The following CACHD1 variants were observed in gnomAD, a reference collection of about 807,000 sequenced individuals.
The protein encoded by CACHD1 is VWFA and cache domain-containing protein 1.
CACHD1 carries 71 observed loss-of-function variants against 138.7 expected under a neutral mutation model. That is an observed-to-expected ratio of 0.51 (90% CI 0.42 to 0.62). CACHD1 has a LOEUF of 0.62. CACHD1 is among the 20% of genes least tolerant of loss of function. CACHD1 has a pLI of 0.00. For missense variants in CACHD1, 1,389 were observed against 1,625.3 expected (o/e 0.85, Z 2.50); for synonymous variants, 578 against 591.5 (o/e 0.98, Z 0.33).
Position 64,671,915 on chromosome 1 carries a change from T to C in CACHD1, c.2510+229T>C, listed in dbSNP as rs76836286. On this transcript the variant is annotated intron_variant, in intron 17 of 26. Transcript: ENST00000651257. ...CAGCACACAACAAGAAAAATAACTG[T>C]AGCATGGAATGCACCAAAAGCTCTT... Among the ~76,000 whole-genome samples, 890 of 152,324 alleles carry C rather than the reference T, an allele frequency of 5.8e-3. 7 individuals are homozygous for C. The highest frequency in any genetic ancestry group is 0.021 in the African/African-American group (861 of 41,568).
At chr1:64,656,076 A>G (rs941968330) in intron 12 of CACHD1, among the ~76,000 whole-genome samples, 20 of 152,242 alleles carry the variant, frequency 1.3e-4, no homozygotes, top group African/African-American at 4.8e-4. Context: ...GGATCAGGAA[A>G]GATAGGAATT....
At chr1:64,480,682 T>A (rs1016252855) in intron 1 of CACHD1, among the ~76,000 whole-genome samples, 11 of 152,208 alleles carry the variant, frequency 7.2e-5, no homozygotes, top group Admixed American at 2.0e-4. Context: ...TTTTTTATTT[T>A]TTTTTTTACT....
At chr1:64,656,857 T>C (rs936846834) in intron 12 of CACHD1, among the ~76,000 whole-genome samples, 2 of 152,140 alleles carry the variant, frequency 1.3e-5, no homozygotes, top group Non-Finnish European at 2.9e-5. Context: ...TCTCTTTAGT[T>C]ACTTTGTTGG....
chr1:64,667,185 A>C (rs976500246), intron 16 of CACHD1, among the ~76,000 whole-genome samples: 1 of 152,176 alleles, frequency 6.6e-6, no homozygotes, highest in Non-Finnish European at 1.5e-5. Flanking sequence ...CATTATACAA[A>C]TAGCTATTTT....
chr1:64,691,448 G>A lies in CACHD1; in HGVS notation c.3712G>A (p.Ala1238Thr). The change falls in exon 27 of 27, where the codon GCT becomes ACT. Residue 1238 changes from alanine (A) to threonine (T), a missense_variant. Ala to Thr is a moderately conservative substitution (Grantham distance 58, BLOSUM62 0). Around this residue, in one of 5 missense-constraint regions of CACHD1, gnomAD observed 78 missense variants for 76.9 expected, o/e 1.01. Coordinates refer to ENST00000651257, the MANE Select transcript of CACHD1 (RefSeq NM_020925.4). Reference protein sequence around the residue: ...DLDLDTPPQTAALLSHKFHHY... With the variant: ...DLDLDTPPQTTALLSHKFHHY... Reference sequence around the variant, plus strand: ...AGACCTGGATACCCCCCCTCAGACTGCTGCCCTACTAAGTCACAAGTTCCA... The same window carrying A: ...AGACCTGGATACCCCCCCTCAGACTACTGCCCTACTAAGTCACAAGTTCCA... 6.2e-7 allele frequency: 1 copy of A among 1,614,062 alleles called. No individual in the cohort carries two copies. Among genetic ancestry groups the A allele is most frequent in the Non-Finnish European group, 8.5e-7 (1 of 1,180,004 alleles).
chr1:64,507,675 A>C (rs1646388151), intron 1 of CACHD1, among the ~76,000 whole-genome samples: 1 of 152,216 alleles, frequency 6.6e-6, no homozygotes, highest in Non-Finnish European at 1.5e-5. Context: ...GGAAGAAGTA[A>C]GAATAAGTTT....
At chr1:64,508,985 C>T (rs1412397870) in intron 1 of CACHD1, among the ~76,000 whole-genome samples, 1 of 152,172 alleles carries the variant, frequency 6.6e-6, no homozygotes, top group East Asian at 1.9e-4. Flanking sequence ...CTCATCTTTG[C>T]TGCCCAGATG....
chr1:64,526,245 A>G (rs1278951545), intron 1 of CACHD1, among the ~76,000 whole-genome samples: 1 of 152,114 alleles, frequency 6.6e-6, no homozygotes, highest in Non-Finnish European at 1.5e-5. Flanking sequence ...CCTGAGCCAC[A>G]GTTAAGGTGC....
chr1:64,477,370 C>T (rs1276413799), intron 1 of CACHD1, among the ~76,000 whole-genome samples: 1 of 152,126 alleles, frequency 6.6e-6, no homozygotes, highest in Non-Finnish European at 1.5e-5. Flanking sequence ...GGATGTGGTG[C>T]AAAGCCATGC....
At chr1:64,488,116 T>C (rs1646253991) in intron 1 of CACHD1, among the ~76,000 whole-genome samples, 1 of 152,172 alleles carries the variant, frequency 6.6e-6, no homozygotes, top group African/African-American at 2.4e-5. Flanking sequence ...TTGGATGTGG[T>C]TTTTAAACAG....
chr1:64,530,255 A>C (rs1646572093), intron 1 of CACHD1, among the ~76,000 whole-genome samples: 1 of 152,190 alleles, frequency 6.6e-6, no homozygotes, highest in South Asian at 2.1e-4. Flanking sequence ...GCAAATCCCA[A>C]CCTCAACAAT....
intron 23 of CACHD1, 24 bp from the exon 24 acceptor site, chr1:64,679,571 C>T (rs375006381): frequency 2.5e-6 from 4 of 1,611,390 alleles, no homozygotes; most frequent in South Asian, 1.1e-5. Context: ...TAACAAGAAA[C>T]ATCTTCTTGC....
At chr1:64,507,870 A>C (rs1646389385) in intron 1 of CACHD1, among the ~76,000 whole-genome samples, 2 of 152,216 alleles carry the variant, frequency 1.3e-5, no homozygotes, top group African/African-American at 4.8e-5. Flanking sequence ...CTCATCTTTA[A>C]ATCTTAAAGT....
intron 2 of CACHD1, among the ~76,000 whole-genome samples, chr1:64,573,341 G>T (rs1270234850): frequency 6.6e-6 from 1 of 152,146 alleles, no homozygotes; most frequent in Non-Finnish European, 1.5e-5. Flanking sequence ...CTGCAAGCTA[G>T]GAAGGAGGGC....
At chr1:64,582,660 T>C (rs894651120) in intron 3 of CACHD1, among the ~76,000 whole-genome samples, 1 of 152,204 alleles carries the variant, frequency 6.6e-6, no homozygotes, top group Non-Finnish European at 1.5e-5. Context: ...GGAGTGCCTT[T>C]TGTCTTTAAA....
intron 3 of CACHD1, among the ~76,000 whole-genome samples, chr1:64,591,058 C>G (rs1012802820): frequency 4.6e-5 from 7 of 152,160 alleles, no homozygotes; most frequent in Admixed American, 3.9e-4. Flanking sequence ...GAGCCATTTG[C>G]CATTATAGGC....
At chr1:64,628,101 G>A (rs756923999) in intron 4 of CACHD1, among the ~76,000 whole-genome samples, 9 of 152,182 alleles carry the variant, frequency 5.9e-5, no homozygotes, top group Non-Finnish European at 1.3e-4. Context: ...AATATCCTGT[G>A]TGAAAGCTCT....
At chr1:64,533,341 G>C (rs1422733467) in intron 1 of CACHD1, among the ~76,000 whole-genome samples, 1 of 152,350 alleles carries the variant, frequency 6.6e-6, no homozygotes, top group Admixed American at 6.5e-5. Context: ...GGGTGACAGA[G>C]TGAGACCCTG....
rs866399144 is a variant in CACHD1 at position 64,629,468 on chromosome 1, G to A, written c.631G>A (p.Glu211Lys). Residue 211 changes from glutamate to lysine, a missense_variant, in exon 5 of 27, where the codon GAA becomes AAA. Transcript: ENST00000651257. ...AHKFRCKGSY[E>K]HRSRPIYVST... The stretch of plus-strand genomic sequence containing the variant: ...CAAGTTCCGGTGTAAGGGCAGCTAC[G>A]AACACCGCAGTAGGTATGTTGACTT... 8 of 1,613,876 alleles carry A rather than the reference G, an allele frequency of 5.0e-6. No individual in the cohort carries two copies. Among genetic ancestry groups the A allele is most frequent in the African/African-American group, 4.0e-5 (3 of 74,914 alleles).
Sources: gnomAD v4.1 joint callset for allele counts (sites outside exome capture counted in the v4.1 genomes callset) on GRCh38, gnomAD v4.1.1 for gene constraint, gnomAD v4.1.1 regional missense constraint, MANE v1.5 for transcripts, NCBI Gene and HGNC (gene_info 2026-07-23, HGNC 2026-07-21) for gene names.